ENPP4: variants seen among roughly 807,000 people sequenced by gnomAD.
ENPP4 encodes the protein bis(5'-adenosyl)-triphosphatase ENPP4.
Under a neutral mutation model 33.4 loss-of-function variants are expected in ENPP4, and 18 were observed. The observed-to-expected ratio is 0.54, with a 90% CI of 0.37 to 0.80. The LOEUF (loss-of-function observed/expected upper bound fraction) is 0.80, where lower values mean the gene tolerates loss of function less well. ENPP4 is among the 30% of genes least tolerant of loss of function. The pLI is 0.00. For missense variants in ENPP4, 480 were observed against 541.7 expected, an observed-to-expected ratio of 0.89 and a Z score of 1.13; for synonymous variants, 172 against 189.9, an observed-to-expected ratio of 0.91 and a Z score of 0.78.
In ENPP4 at chr6:46,139,551, G is replaced by T. The variant is rs997466703; in HGVS notation, c.-33G>T. 1 of 1,132,174 alleles carries T rather than the reference G, an allele frequency of 8.8e-7. No homozygotes were observed. The highest frequency in any genetic ancestry group is 1.3e-6 in the Non-Finnish European group (1 of 756,940). 70.1% of individuals were successfully genotyped at this position (1,132,174 alleles called of 1,614,324 possible). A position where few individuals can be genotyped will look rare whatever the true frequency, so the allele number is the denominator to read the frequency against. On this transcript the variant is annotated splice_region_variant and 5_prime_UTR_variant, in exon 2 of 4. Coordinates refer to ENST00000321037, the MANE Select transcript of ENPP4 (RefSeq NM_014936.5). Reference sequence around the variant, plus strand: ...TATGAGTTGTGTTTTTACATTTTAGGAACCCTGATTGCTGTCCTTCAACGT... The same window carrying T: ...TATGAGTTGTGTTTTTACATTTTAGTAACCCTGATTGCTGTCCTTCAACGT...
At position 46,139,580 on chromosome 6, in the gene ENPP4, C is replaced by T. The variant is rs1473074689; in HGVS notation, c.-4C>T. On this transcript the variant is annotated 5_prime_UTR_variant, in exon 2 of 4. Transcript: ENST00000321037. ...CCTGATTGCTGTCCTTCAACGTGTT[C>T]ATTATGAAGTTATTAGTAATACTTT... 4.2e-6 allele frequency: 6 copies of T among 1,423,016 alleles called. No individual in the cohort carries two copies. The highest frequency in any genetic ancestry group is 5.9e-6 in the Non-Finnish European group (6 of 1,009,006). The allele number at this position is 1,423,016 out of a possible 1,614,324, so 88.1% of individuals were successfully genotyped here. A position where few individuals can be genotyped will look rare whatever the true frequency, so the allele number is the denominator to read the frequency against.
At chr6:46,140,946 T>G in intron 2 of ENPP4, 106 bp from the exon 3 acceptor site, 2 of 687,336 alleles carry the variant, frequency 2.9e-6, no homozygotes, top group African/African-American at 3.6e-5. Context: ...AGAAGTGATT[T>G]AATAGATGAC....
intron 1 of ENPP4, among the ~76,000 whole-genome samples, chr6:46,135,599 C>T (rs1763963508): frequency 6.6e-6 from 1 of 151,984 alleles, no homozygotes; most frequent in Non-Finnish European, 1.5e-5. Flanking sequence ...ATATTTTCTT[C>T]CATTCTCTGG....
intron 1 of ENPP4, 24 bp from the exon 2 acceptor site, chr6:46,139,527 A>G (rs1347559504): frequency 3.3e-6 from 3 of 910,082 alleles, no homozygotes; most frequent in Non-Finnish European, 5.3e-6. Context: ...ATTACTACTT[A>G]TGAGTTGTGT....
intron 3 of ENPP4, among the ~76,000 whole-genome samples, chr6:46,141,910 A>T (rs1368185463): frequency 6.6e-6 from 1 of 151,612 alleles, no homozygotes; most frequent in African/African-American, 2.4e-5. Context: ...TTTGTGGGCC[A>T]GCTGGTCTCT....
Position 46,144,428 on chromosome 6 carries a change from T to C in ENPP4, c.*788T>C, listed in dbSNP as rs942702793. ...GTGTGCCTGTGCAAGTGTGTTTGTG[T>C]GTGGTTGTGTGGACATTATGTGATT... On this transcript the variant is annotated 3_prime_UTR_variant, in exon 4 of 4. Coordinates refer to ENST00000321037, the MANE Select transcript of ENPP4 (RefSeq NM_014936.5). 6.6e-6 allele frequency: 1 copy of C among 152,000 alleles called. No individual in the cohort carries two copies. The highest frequency in any genetic ancestry group is 6.6e-5 in the Admixed American group (1 of 15,178). 9.4% of individuals were successfully genotyped at this position (152,000 alleles called of 1,614,324 possible). A position where few individuals can be genotyped will look rare whatever the true frequency, so the allele number is the denominator to read the frequency against.
intron 1 of ENPP4, among the ~76,000 whole-genome samples, chr6:46,130,549 G>C (rs1763879269): frequency 6.6e-6 from 1 of 152,148 alleles, no homozygotes; most frequent in Non-Finnish European, 1.5e-5. Flanking sequence ...CCAGGCTTTT[G>C]GTTTTAAAGG....
intron 1 of ENPP4, among the ~76,000 whole-genome samples, chr6:46,132,795 G>A (rs570987897): frequency 8.9e-4 from 135 of 152,180 alleles, no homozygotes; most frequent in Non-Finnish European, 1.4e-3. Context: ...AGCATGGAAT[G>A]TTCTTCCATT....
At chr6:46,139,528 T>G in intron 1 of ENPP4, 23 bp from the exon 2 acceptor site, 26 of 915,054 alleles carry the variant, frequency 2.8e-5, no homozygotes, top group Non-Finnish European at 4.2e-5. Context: ...TTACTACTTA[T>G]GAGTTGTGTT....
intron 1 of ENPP4, among the ~76,000 whole-genome samples, chr6:46,135,090 T>C (rs1379002430): frequency 6.6e-6 from 1 of 152,156 alleles, no homozygotes; most frequent in African/African-American, 2.4e-5. Context: ...CATAAGTTAG[T>C]GCACATTGAG....
intron 1 of ENPP4, among the ~76,000 whole-genome samples, chr6:46,131,886 A>G (rs988578409): frequency 1.3e-5 from 2 of 152,084 alleles, no homozygotes; most frequent in African/African-American, 4.8e-5. Context: ...TGTGGTTTTG[A>G]TTTGCACTTC....
In ENPP4 at chr6:46,146,373, A is replaced by G. The variant is rs1764140311; in HGVS notation, c.*2733A>G. 1.3e-5 allele frequency: 2 copies of G among 152,308 alleles called. No homozygotes were observed. The highest frequency in any genetic ancestry group is 4.1e-4 in the South Asian group (2 of 4,836). The allele number at this position is 152,308 out of a possible 1,614,324, so 9.4% of individuals were successfully genotyped here. Reference sequence around the variant, plus strand: ...TTTTGGGTGTCTCCTTCTTGTGCCCATATCTGATAAGCTTTATGGATTATT... The same window carrying G: ...TTTTGGGTGTCTCCTTCTTGTGCCCGTATCTGATAAGCTTTATGGATTATT... On this transcript the variant is annotated 3_prime_UTR_variant, in exon 4 of 4. Coordinates refer to ENST00000321037, the MANE Select transcript of ENPP4 (RefSeq NM_014936.5).
chr6:46,143,872 A>G lies in ENPP4; in HGVS notation c.*232A>G, dbSNP rs1764106562. The G allele has an allele frequency of 1.7e-5, 7 of 418,882 alleles. No homozygotes were observed. The highest frequency in any genetic ancestry group is 4.0e-5 in the African/African-American group (2 of 49,926). The allele number at this position is 418,882 out of a possible 1,614,324, so 25.9% of individuals were successfully genotyped here. ...AAATCATTAGGTAACATCTTGTGGTAGGAAATCATTAGGTAACATCAATCC... is the reference window on the plus strand; with the variant it reads ...AAATCATTAGGTAACATCTTGTGGTGGGAAATCATTAGGTAACATCAATCC... On this transcript the variant is annotated 3_prime_UTR_variant, in exon 4 of 4. Coordinates refer to ENST00000321037, the MANE Select transcript of ENPP4 (RefSeq NM_014936.5).
In ENPP4 at chr6:46,143,582, C is replaced by T. The variant is rs575254343; in HGVS notation, c.1304C>T (p.Pro435Leu). The T allele has an allele frequency of 6.2e-7, 1 of 1,612,136 alleles. No individual in the cohort carries two copies. Among genetic ancestry groups the T allele is most frequent in the South Asian group, 1.1e-5 (1 of 91,006 alleles). The change falls in exon 4 of 4, where the codon CCT (proline) becomes CTT (leucine). Residue 435 changes from proline (P) to leucine (L), a missense_variant. Pro to Leu is a moderately conservative substitution (Grantham distance 98, BLOSUM62 -3). Coordinates refer to ENST00000321037, the MANE Select transcript of ENPP4 (RefSeq NM_014936.5). ...ATCATGCAGAATAGACTTTCTGTAC[C>T]TCGTCCATTTTCTCGACTTCAGCTA... ...IIIMQNRLSV[P>L]RPFSRLQLQE...
In ENPP4 at chr6:46,139,667, A is replaced by G. The variant is rs754800517; in HGVS notation, c.84A>G (p.Leu28=). The change falls in exon 2 of 4, where the codon TTA becomes TTG. Residue 28 remains leucine, a synonymous_variant. Coordinates refer to ENST00000321037, the MANE Select transcript of ENPP4 (RefSeq NM_014936.5). ...SDSSSSLPPK[L]LLVSFDGFRA... is the part of the protein sequence containing the mutation. ...CTTCCTCTAGTTTGCCACCTAAGTT[A>G]CTACTAGTATCCTTTGATGGCTTCA... 8 of 1,610,700 alleles carry G rather than the reference A, an allele frequency of 5.0e-6. No individual in the cohort carries two copies. Among genetic ancestry groups the G allele is most frequent in the African/African-American group, 4.0e-5 (3 of 74,778 alleles).
chr6:46,144,280 A>G lies in ENPP4; in HGVS notation c.*640A>G, dbSNP rs1764111452. ...CCATTTGATAAAAGCCTGAGTTGTC[A>G]CCATTATGTCTTAAGCTGTTAGTCT... On this transcript the variant is annotated 3_prime_UTR_variant, in exon 4 of 4. Coordinates refer to ENST00000321037, the MANE Select transcript of ENPP4 (RefSeq NM_014936.5). 1 of 151,848 alleles carries G rather than the reference A, an allele frequency of 6.6e-6. No individual in the cohort carries two copies. The highest frequency in any genetic ancestry group is 2.1e-4 in the South Asian group (1 of 4,836). The allele number at this position is 151,848 out of a possible 1,614,324, so 9.4% of individuals were successfully genotyped here. A position where few individuals can be genotyped will look rare whatever the true frequency, so the allele number is the denominator to read the frequency against.
In ENPP4 at chr6:46,143,369, C is replaced by T; in HGVS notation, c.1091C>T (p.Thr364Ile). The T allele has an allele frequency of 6.2e-7, 1 of 1,612,586 alleles. No individual in the cohort carries two copies. Among genetic ancestry groups the T allele is most frequent in the Admixed American group, 1.7e-5 (1 of 59,846 alleles). ...PAFHKGYKHS[T>I]INIVDIYPMM... ...TTTCACAAAGGCTACAAGCATAGCA[C>T]AATTAACATTGTGGATATTTATCCA... Residue 364 changes from threonine (T) to isoleucine (I), a missense_variant, in exon 4 of 4, where the codon ACA becomes ATA. Around this residue, in one of 3 missense-constraint regions of ENPP4, gnomAD observed 249 missense variants for 251.8 expected, o/e 0.99. Transcript: ENST00000321037.
Position 46,130,101 on chromosome 6 carries a change from C to T in ENPP4, c.-122C>T, listed in dbSNP as rs555464389. On this transcript the variant is annotated 5_prime_UTR_variant, in exon 1 of 4. Transcript: ENST00000321037. ...GAGCTCGGCATCGCCCCTCTTCCTC[C>T]AGGTCCCCCTTCCCCGCAACTTCCC... The T allele has an allele frequency of 6.6e-6, 1 of 152,228 alleles. No individual in the cohort carries two copies. The highest frequency in any genetic ancestry group is 1.5e-5 in the Non-Finnish European group (1 of 68,094). The allele number at this position is 152,228 out of a possible 1,614,324, so 9.4% of individuals were successfully genotyped here.
Position 46,141,310 on chromosome 6 carries a change from A to C in ENPP4, c.997+88A>C. On this transcript the variant is annotated intron_variant, in intron 3 of 3. Transcript: ENST00000321037. ...TTGTGTTAAGAGGGTACTTCGATTTAAAGAAGTTCACACAGAATAATTAGT... is the reference window on the plus strand; with the variant it reads ...TTGTGTTAAGAGGGTACTTCGATTTCAAGAAGTTCACACAGAATAATTAGT... 3 of 921,670 alleles carry C rather than the reference A, an allele frequency of 3.3e-6. 1 individual carries two copies. Among genetic ancestry groups the C allele is most frequent in the South Asian group, 3.2e-5 (2 of 62,782 alleles). The allele number at this position is 921,670 out of a possible 1,614,324, so 57.1% of individuals were successfully genotyped here. A position where few individuals can be genotyped will look rare whatever the true frequency, so the allele number is the denominator to read the frequency against.
Sources: allele counts gnomAD v4.1 joint callset (sites outside exome capture counted in the v4.1 genomes callset), GRCh38; gene constraint gnomAD v4.1.1; regional missense constraint gnomAD v4.1.1; transcripts MANE v1.5; gene names NCBI Gene and HGNC (gene_info 2026-07-23, HGNC 2026-07-21).